SLC26A7: variants seen among roughly 807,000 people sequenced by gnomAD.
The protein encoded by SLC26A7 is anion exchange transporter.
In SLC26A7, 59 loss-of-function variants were observed where a neutral mutation model predicts 82.5. The observed-to-expected ratio is 0.72, with a 90% CI of 0.58 to 0.89. The LOEUF (loss-of-function observed/expected upper bound fraction) is 0.89. Among genes scored for constraint, SLC26A7 ranks in the 40% least tolerant of loss-of-function variants. The probability of loss-of-function intolerance (pLI) is 0.00; values close to 1 mark genes in which losing one functional copy is unlikely to be tolerated. For synonymous variants in SLC26A7, 271 were observed against 274.3 expected (o/e 0.99, Z 0.12); for missense variants, 820 against 793.0 (o/e 1.03, Z -0.41).
At chr8:91,261,909 A>G (rs1179236142) in intron 2 of SLC26A7, among the ~76,000 whole-genome samples, 2 of 152,122 alleles carry the variant, frequency 1.3e-5, no homozygotes, top group South Asian at 2.1e-4. Context: ...CTTAGAGCTT[A>G]CCTTGAGGCA....
At chr8:91,301,421 T>G (rs1812161759) in intron 4 of SLC26A7, among the ~76,000 whole-genome samples, 1 of 152,160 alleles carries the variant, frequency 6.6e-6, no homozygotes, top group East Asian at 1.9e-4. Context: ...TTAAGCAGCC[T>G]AGCTCTAAAA....
intron 2 of SLC26A7, among the ~76,000 whole-genome samples, chr8:91,239,629 G>A (rs1810447533): frequency 6.6e-6 from 1 of 151,962 alleles, no homozygotes; most frequent in Admixed American, 6.6e-5. Context: ...AATGCCTGCA[G>A]CAGGTATGGG....
chr8:91,258,916 G>A (rs1341829326), intron 2 of SLC26A7, among the ~76,000 whole-genome samples: 1 of 152,052 alleles, frequency 6.6e-6, no homozygotes, highest in Non-Finnish European at 1.5e-5. Context: ...TGGAAACCTT[G>A]TTCTTAAAAT....
chr8:91,334,934 T>C (rs1291841418), intron 6 of SLC26A7, among the ~76,000 whole-genome samples: 1 of 152,182 alleles, frequency 6.6e-6, no homozygotes, highest in African/African-American at 2.4e-5. Flanking sequence ...TGATTTTCAT[T>C]GGCCAAAGTT....
chr8:91,393,687 C>A, intron 16 of SLC26A7, 110 bp from the exon 17 acceptor site: 1 of 1,197,120 alleles, frequency 8.4e-7, no homozygotes. Flanking sequence ...GGTGGTTTGA[C>A]TTCGTAAACA....
At chr8:91,212,196 TACTA>T (rs372085345) in intron 1 of SLC26A7, among the ~76,000 whole-genome samples, 151 of 152,322 alleles carry the variant, frequency 9.9e-4, no homozygotes, top group Middle Eastern at 6.8e-3. Context: ...TTTTAGTTAC[TACTA>T]ACTTTGTCTG....
chr8:91,376,257 A>C (rs913564864), intron 15 of SLC26A7, among the ~76,000 whole-genome samples: 10 of 152,164 alleles, frequency 6.6e-5, no homozygotes, highest in Admixed American at 5.9e-4. Context: ...AATTGCTAGA[A>C]AGTTAGCTTG....
intron 5 of SLC26A7, among the ~76,000 whole-genome samples, chr8:91,329,427 C>G (rs1012872127): frequency 6.6e-6 from 1 of 152,110 alleles, no homozygotes; most frequent in African/African-American, 2.4e-5. Context: ...GAGCTATCCA[C>G]CCCCTTGTTC....
chr8:91,362,267 A>C, intron 11 of SLC26A7, 86 bp from the exon 12 acceptor site: 1 of 879,442 alleles, frequency 1.1e-6, no homozygotes, highest in South Asian at 2.4e-5. Flanking sequence ...AAGAGTGTTA[A>C]GAATATGATT....
intron 4 of SLC26A7, among the ~76,000 whole-genome samples, chr8:91,310,205 T>C (rs1812441441): frequency 6.6e-6 from 1 of 152,168 alleles, no homozygotes; most frequent in South Asian, 2.1e-4. Context: ...GCCCTGCTCA[T>C]GTCTGACTAG....
chr8:91,329,419 G>C lies in SLC26A7; in HGVS notation c.643-4876G>C, dbSNP rs548905738. Among the ~76,000 whole-genome samples, 3 of 152,206 alleles carry C rather than the reference G, an allele frequency of 2.0e-5. No homozygotes were observed. The South Asian group carries it at 6.2e-4, about 32-fold the overall frequency. On this transcript the variant is annotated intron_variant, in intron 5 of 18. Coordinates refer to ENST00000276609, the MANE Select transcript of SLC26A7 (RefSeq NM_052832.4). ...CTGTTCTTCATGCTGGTTGTAATGAGCTATCCACCCCCTTGTTCTTCTGGA... is the reference window on the plus strand; with the variant it reads ...CTGTTCTTCATGCTGGTTGTAATGACCTATCCACCCCCTTGTTCTTCTGGA...
intron 2 of SLC26A7, among the ~76,000 whole-genome samples, chr8:91,252,178 A>G (rs1563644232): frequency 1.3e-5 from 2 of 152,062 alleles, no homozygotes; most frequent in African/African-American, 2.4e-5. Context: ...GTTACTCAGC[A>G]TAGTTGAATT....
chr8:91,379,543 G>T (rs1415585460), intron 15 of SLC26A7, among the ~76,000 whole-genome samples: 4 of 151,920 alleles, frequency 2.6e-5, no homozygotes, highest in Admixed American at 6.6e-5. Flanking sequence ...TGACAAAAAT[G>T]GCACTATAGA....
intron 2 of SLC26A7, among the ~76,000 whole-genome samples, chr8:91,278,663 TACA>T (rs1419009569): frequency 1.3e-5 from 2 of 152,174 alleles, no homozygotes; most frequent in African/African-American, 2.4e-5. Context: ...GCTTATGAAG[TACA>T]ACATGATGTT....
At chr8:91,387,013 T>C (rs1470905570) in intron 15 of SLC26A7, among the ~76,000 whole-genome samples, 1 of 152,120 alleles carries the variant, frequency 6.6e-6, no homozygotes, top group African/African-American at 2.4e-5. Flanking sequence ...ATTATATATA[T>C]TTTACCTATG....
intron 5 of SLC26A7, among the ~76,000 whole-genome samples, chr8:91,320,435 C>G (rs1300463422): frequency 6.6e-6 from 1 of 152,174 alleles, no homozygotes; most frequent in African/African-American, 2.4e-5. Flanking sequence ...TCAATTATCA[C>G]AGAGTCCTGT....
chr8:91,246,815 G>GA (rs1356796469), upstream of SLC26A7, among the ~76,000 whole-genome samples: 1 of 152,170 alleles, frequency 6.6e-6, no homozygotes, highest in Non-Finnish European at 1.5e-5. Flanking sequence ...CCCGCAAAGG[G>GA]AATGCCACTC....
Position 91,396,250 on chromosome 8 carries a change from C to T in SLC26A7, c.*1153C>T, listed in dbSNP as rs1808570730. On this transcript the variant is annotated 3_prime_UTR_variant, in exon 19 of 19. Coordinates refer to ENST00000276609, the MANE Select transcript of SLC26A7 (RefSeq NM_052832.4). ...ATTTTAATTTAGCAAATTGATTTAC[C>T]TAGGAAAAAATTATCACCTTCAAAG... The T allele has an allele frequency of 6.6e-6, 1 of 151,902 alleles. No homozygotes were observed. The highest frequency in any genetic ancestry group is 2.1e-4 in the South Asian group (1 of 4,826). 9.4% of individuals were successfully genotyped at this position (151,902 alleles called of 1,614,324 possible).
At chr8:91,209,806 C>G (rs1213589020) in intron 1 of SLC26A7, among the ~76,000 whole-genome samples, 1 of 152,078 alleles carries the variant, frequency 6.6e-6, no homozygotes, top group Non-Finnish European at 1.5e-5. Flanking sequence ...AATGAGTAAG[C>G]CAAGAAGAGG....
Sources: allele counts gnomAD v4.1 joint callset (sites outside exome capture counted in the v4.1 genomes callset), GRCh38; gene constraint gnomAD v4.1.1; transcripts MANE v1.5; gene names NCBI Gene and HGNC (gene_info 2026-07-23, HGNC 2026-07-21).